The following GNAT3 variants were observed in gnomAD, a reference collection of about 807,000 sequenced individuals.
GNAT3 encodes G protein subunit alpha transducin 3.
GNAT3 carries 31 observed loss-of-function variants against 37.7 expected under a neutral mutation model. The ratio of observed to expected loss-of-function variants is 0.82; its 90% CI spans 0.62 to 1.11. The LOEUF (loss-of-function observed/expected upper bound fraction) is 1.11, where lower values mean the gene tolerates loss of function less well. GNAT3 is among the 50% of genes most tolerant of loss of function. The pLI is 0.00. For synonymous variants in GNAT3, 138 were observed against 139.8 expected, an observed-to-expected ratio of 0.99 and a Z score of 0.09; for missense variants, 437 against 412.5, an observed-to-expected ratio of 1.06 and a Z score of -0.51.
At chr7:80,486,632 CTTTTTTTTTTTTT>C (rs762169940) in intron 3 of GNAT3, 1 of 98,422 alleles carries the variant, frequency 1.0e-5, no homozygotes, top group Non-Finnish European at 1.9e-5. Flanking sequence ...TTTTCTTTTC[CTTTTTTTTTTTTT>C]TTTTTTTTTT....
At chr7:80,510,364 G>A (rs994132815) in intron 1 of GNAT3, among the ~76,000 whole-genome samples, 20 of 151,900 alleles carry the variant, frequency 1.3e-4, no homozygotes, top group African/African-American at 4.8e-4. Context: ...ATAGATAATT[G>A]GTATATTGAA....
chr7:80,485,113 C>T (rs529584996), intron 3 of GNAT3, among the ~76,000 whole-genome samples: 1 of 151,796 alleles, frequency 6.6e-6, no homozygotes, highest in African/African-American at 2.4e-5. Flanking sequence ...TCCTTTTACT[C>T]TTCTGTCCTC....
At chr7:80,475,613 A>C (rs1389449624) in intron 4 of GNAT3, among the ~76,000 whole-genome samples, 3 of 152,094 alleles carry the variant, frequency 2.0e-5, no homozygotes, top group Admixed American at 6.6e-5. Context: ...GCTGAATGTT[A>C]GTCAGTGTTA....
chr7:80,492,676 A>G (rs1313914851), intron 2 of GNAT3, among the ~76,000 whole-genome samples: 3 of 151,516 alleles, frequency 2.0e-5, no homozygotes, highest in Non-Finnish European at 2.9e-5. Flanking sequence ...ATATTTTATT[A>G]CTTTTGACAA....
chr7:80,504,385 A>G (rs755357913), intron 1 of GNAT3, among the ~76,000 whole-genome samples: 5 of 152,136 alleles, frequency 3.3e-5, no homozygotes, highest in African/African-American at 4.8e-5. Context: ...TGTGAGGGAT[A>G]ACTTTTTACT....
chr7:80,504,319 A>G (rs1342219029), intron 1 of GNAT3, among the ~76,000 whole-genome samples: 2 of 152,092 alleles, frequency 1.3e-5, no homozygotes, highest in Non-Finnish European at 2.9e-5. Context: ...TTTAAAAAAA[A>G]AGAGAGAGAA....
chr7:80,496,880 T>G (rs1790727782), intron 1 of GNAT3, among the ~76,000 whole-genome samples: 2 of 152,206 alleles, frequency 1.3e-5, no homozygotes, highest in South Asian at 2.1e-4. Context: ...CATAGCCATA[T>G]GTAAATATAT....
intron 4 of GNAT3, among the ~76,000 whole-genome samples, chr7:80,477,915 T>C (rs1790332151): frequency 6.6e-6 from 1 of 152,208 alleles, no homozygotes; most frequent in Non-Finnish European, 1.5e-5. Flanking sequence ...TAATTGTTTT[T>C]TGGGGTTAAT....
At chr7:80,484,075 A>G (rs1177027773) in intron 3 of GNAT3, among the ~76,000 whole-genome samples, 2 of 152,046 alleles carry the variant, frequency 1.3e-5, no homozygotes, top group Non-Finnish European at 2.9e-5. Context: ...TGCACCTATC[A>G]ACTCATCTTC....
In GNAT3 at chr7:80,489,096, T is replaced by C. The variant is rs138679567; in HGVS notation, c.162-420A>G. Among the ~76,000 whole-genome samples the C allele has an allele frequency of 2.9e-3, 440 of 152,240 alleles. 2 individuals are homozygous for C. Among genetic ancestry groups the C allele is most frequent in the African/African-American group, 0.01 (425 of 41,564 alleles). The stretch of plus-strand genomic sequence containing the variant: ...AGTCATTTAGAACATTCATGACTTT[T>C]CCTATCATGCTGAAAAATAGGAGTG... On this transcript the variant is annotated intron_variant, in intron 2 of 7. Coordinates refer to ENST00000398291, the MANE Select transcript of GNAT3 (RefSeq NM_001102386.3).
At chr7:80,476,931 G>A (rs1315659740) in intron 4 of GNAT3, among the ~76,000 whole-genome samples, 1 of 151,868 alleles carries the variant, frequency 6.6e-6, no homozygotes, top group Non-Finnish European at 1.5e-5. Flanking sequence ...CAGGGAAAAT[G>A]AGCTTTTCTG....
At chr7:80,487,614 G>A (rs1030290306) in intron 3 of GNAT3, 1 of 152,130 alleles carries the variant, frequency 6.6e-6, no homozygotes, top group African/African-American at 2.4e-5. Context: ...TAAGCTGGGG[G>A]AGGGAGTTCA....
chr7:80,491,109 AG>A (rs750329398), intron 2 of GNAT3, among the ~76,000 whole-genome samples: 11 of 152,198 alleles, frequency 7.2e-5, no homozygotes, highest in Non-Finnish European at 1.0e-4. Context: ...GAAGGGAGGT[AG>A]AAGCTCCTTA....
chr7:80,505,613 A>G (rs981340476), intron 1 of GNAT3, among the ~76,000 whole-genome samples: 11 of 152,224 alleles, frequency 7.2e-5, no homozygotes, highest in East Asian at 3.9e-4. Flanking sequence ...TGATCTGCCC[A>G]CCTTGGCCTC....
At chr7:80,505,431 A>G (rs1030324002) in intron 1 of GNAT3, among the ~76,000 whole-genome samples, 3 of 152,268 alleles carry the variant, frequency 2.0e-5, no homozygotes, top group African/African-American at 4.8e-5. Context: ...CAGTGGCACA[A>G]TCTCGGCTCA....
intron 4 of GNAT3, among the ~76,000 whole-genome samples, chr7:80,478,248 A>G (rs1790337177): frequency 6.6e-6 from 1 of 152,250 alleles, no homozygotes; most frequent in Non-Finnish European, 1.5e-5. Flanking sequence ...TAATGAAATT[A>G]TAAATAGTGT....
rs554663860 is a variant in GNAT3 at position 80,492,726 on chromosome 7, AC to A, written c.161+1878del. ...TTTAGATCAATAATTTTCCCAGCTT[AC>A]TATGTATATTAAAGATATTATTTTT... On this transcript the variant is annotated intron_variant, in intron 2 of 7. Transcript: ENST00000398291. Among the ~76,000 whole-genome samples, 9 of 151,628 alleles carry A rather than the reference AC, an allele frequency of 5.9e-5. No individual in the cohort carries two copies. In the South Asian group the frequency reaches 1.9e-3, roughly 32 times the overall value.
At position 80,497,623 on chromosome 7, in the gene GNAT3, TATATAC is replaced by T. The variant is rs1436994721; in HGVS notation, c.119-2982_119-2977del. On this transcript the variant is annotated intron_variant, in intron 1 of 7. Coordinates refer to ENST00000398291, the MANE Select transcript of GNAT3 (RefSeq NM_001102386.3). The stretch of plus-strand genomic sequence containing the variant: ...ATACATATACGTATATACATATACG[TATATAC>T]ATATACGTATATACATATACGTATA... Among the ~76,000 whole-genome samples, 4 of 115,346 alleles carry T rather than the reference TATATAC, an allele frequency of 3.5e-5. 1 individual carries two copies. Among genetic ancestry groups the T allele is most frequent in the African/African-American group, 1.8e-4 (4 of 21,786 alleles). 75.7% of individuals were successfully genotyped at this position (115,346 alleles called of 152,430 possible).
chr7:80,498,619 A>G (rs1258295743), intron 1 of GNAT3, among the ~76,000 whole-genome samples: 3 of 152,112 alleles, frequency 2.0e-5, no homozygotes. Context: ...CACAATAGTC[A>G]TTTCAGTCTT....
Sources: allele counts gnomAD v4.1 joint callset (sites outside exome capture counted in the v4.1 genomes callset), GRCh38; gene constraint gnomAD v4.1.1; transcripts MANE v1.5; gene names NCBI Gene and HGNC (gene_info 2026-07-23, HGNC 2026-07-21).